Variants in ATG7 observed in about 807,000 individuals in gnomAD.
ATG7 encodes autophagy related 7, also known as ubiquitin-like modifier-activating enzyme ATG7.
In ATG7, 70 loss-of-function variants were observed where a neutral mutation model predicts 82.4. The ratio of observed to expected loss-of-function variants is 0.85; its 90% CI spans 0.70 to 1.04. ATG7 has a LOEUF of 1.04. ATG7 is among the 50% of genes least tolerant of loss of function. The pLI is 0.00. For synonymous variants in ATG7, 287 were observed against 313.0 expected (o/e 0.92, Z 0.88); for missense variants, 792 against 864.3 (o/e 0.92, Z 1.05).
chr3:11,576,169 A>G, the ATG7 span, among the ~76,000 whole-genome samples: 8 of 152,212 alleles, frequency 5.3e-5, no homozygotes, highest in East Asian at 7.7e-4. Context: ...AGTAGTTGTG[A>G]GAGCACAGCC....
At chr3:11,546,869 C>T (rs1370396153) in intron 20 of ATG7, among the ~76,000 whole-genome samples, 2 of 152,266 alleles carry the variant, frequency 1.3e-5, no homozygotes, top group Admixed American at 6.5e-5. Context: ...ACCAGAGGGG[C>T]TGAGCCCACC....
the ATG7 span, among the ~76,000 whole-genome samples, chr3:11,566,194 T>C: frequency 6.6e-6 from 1 of 152,086 alleles, no homozygotes; most frequent in Non-Finnish European, 1.5e-5. Flanking sequence ...GCACACAGAA[T>C]GTTACACACA....
Position 11,395,968 on chromosome 3 carries a change from T to C in ATG7, c.1956+15916T>C, listed in dbSNP as rs199612628. 9.6e-3 allele frequency among the ~76,000 whole-genome samples: 736 copies of C among 76,686 alleles called. 97 individuals are homozygous for C. The highest frequency in any genetic ancestry group is 0.013 in the Non-Finnish European group (553 of 42,926). The allele number at this position is 76,686 out of a possible 152,430, so 50.3% of individuals were successfully genotyped here. On this transcript the variant is annotated intron_variant, in intron 19 of 20. Coordinates refer to ENST00000693202, the MANE Select transcript of ATG7 (RefSeq NM_001349232.2). Reference sequence around the variant, plus strand: ...AAAAAAAAAAAAAAAAAAAAAAAGGTAGGGGGGGAAGAGTAAAAGTGAAGG... The same window carrying C: ...AAAAAAAAAAAAAAAAAAAAAAAGGCAGGGGGGGAAGAGTAAAAGTGAAGG...
At chr3:11,546,189 T>TTTTTTTGTGTGG (rs1491163797) in intron 20 of ATG7, among the ~76,000 whole-genome samples, 1 of 117,546 alleles carries the variant, frequency 8.5e-6, no homozygotes, top group African/African-American at 3.2e-5. Flanking sequence ...TTTTTTTTTT[T>TTTTTTTGTGTGG]GAGATGGAGT....
intron 19 of ATG7, among the ~76,000 whole-genome samples, chr3:11,425,753 C>T (rs2082313413): frequency 6.6e-6 from 1 of 152,090 alleles, no homozygotes. Context: ...CCTTATGTAA[C>T]CAATGCTTAG....
intron 17 of ATG7, 60 bp downstream of exon 17, chr3:11,362,988 A>G (rs2076376735): frequency 1.4e-6 from 2 of 1,420,528 alleles, no homozygotes; most frequent in African/African-American, 2.8e-5. Flanking sequence ...GTTGTTCATC[A>G]GTGTCTCCCA....
chr3:11,299,230 A>ACATAGATAATATATGTAT, intron 4 of ATG7, 132 bp from the exon 5 acceptor site: 1 of 801,846 alleles, frequency 1.2e-6, no homozygotes, highest in Non-Finnish European at 2.1e-6. Context: ...TTATCTATGT[A>ACATAGATAATATATGTAT]GCATAGATAA....
chr3:11,276,464 C>G (rs953349152), intron 1 of ATG7, among the ~76,000 whole-genome samples: 1 of 152,162 alleles, frequency 6.6e-6, no homozygotes, highest in South Asian at 2.1e-4. Flanking sequence ...TCCAATTAAC[C>G]TATGCTGCAC....
chr3:11,477,287 T>G (rs946435317), intron 20 of ATG7: 1 of 1,206,224 alleles, frequency 8.3e-7, no homozygotes, highest in African/African-American at 1.6e-5. Context: ...ACAATGATGA[T>G]AAAATAAAAT....
chr3:11,552,520 C>T (rs2071900972), intron 20 of ATG7, among the ~76,000 whole-genome samples: 1 of 152,120 alleles, frequency 6.6e-6, no homozygotes, highest in Admixed American at 6.6e-5. Flanking sequence ...TGTCCCTATC[C>T]CCAGGAGTCC....
At chr3:11,494,775 C>T (rs1010837869) in intron 20 of ATG7, among the ~76,000 whole-genome samples, 1 of 152,124 alleles carries the variant, frequency 6.6e-6, no homozygotes, top group African/African-American at 2.4e-5. Flanking sequence ...CTCATGCACT[C>T]TGTAAAGGCT....
chr3:11,542,596 C>G (rs1661911022), intron 20 of ATG7, among the ~76,000 whole-genome samples: 1 of 152,186 alleles, frequency 6.6e-6, no homozygotes, highest in South Asian at 2.1e-4. Context: ...ACCAGTATCC[C>G]CACTGCTACA....
intron 11 of ATG7, among the ~76,000 whole-genome samples, chr3:11,339,681 G>C (rs892888432): frequency 6.6e-6 from 1 of 152,210 alleles, no homozygotes; most frequent in East Asian, 1.9e-4. Flanking sequence ...AGATGTTTAA[G>C]AGAATTTTGC....
intron 1 of ATG7, among the ~76,000 whole-genome samples, chr3:11,273,863 G>A (rs1559302100): frequency 1.3e-5 from 2 of 152,100 alleles, no homozygotes; most frequent in South Asian, 4.1e-4. Flanking sequence ...CAGTAATTGG[G>A]GGGAAGCATA....
rs185192580 is a variant in ATG7 at position 11,298,965 on chromosome 3, G to C, written c.160+110G>C. 1.1e-5 allele frequency: 13 copies of C among 1,186,486 alleles called. No individual in the cohort carries two copies. In the Admixed American group the frequency reaches 2.4e-4, roughly 22 times the overall value. 73.5% of individuals were successfully genotyped at this position (1,186,486 alleles called of 1,614,324 possible). On this transcript the variant is annotated intron_variant, in intron 4 of 20. Coordinates refer to ENST00000693202, the MANE Select transcript of ATG7 (RefSeq NM_001349232.2). Reference sequence around the variant, plus strand: ...GACAGCCTTGTCTTTTATAATCAGTGCTCTTCACTAGTTTCTATTTTACTT... The same window carrying C: ...GACAGCCTTGTCTTTTATAATCAGTCCTCTTCACTAGTTTCTATTTTACTT...
chr3:11,535,810 G>A (rs77795008), intron 20 of ATG7, among the ~76,000 whole-genome samples: 8 of 152,168 alleles, frequency 5.3e-5, no homozygotes, highest in East Asian at 1.9e-4. Context: ...CAGAACTCCC[G>A]TGGACCTGCC....
chr3:11,325,398 G>A (rs878954901), intron 9 of ATG7, among the ~76,000 whole-genome samples: 6 of 152,200 alleles, frequency 3.9e-5, no homozygotes, highest in East Asian at 1.9e-4. Flanking sequence ...TAGGCCAGGC[G>A]TGGTGGCTCA....
chr3:11,553,716 G>A (rs1377769509), intron 20 of ATG7, among the ~76,000 whole-genome samples: 2 of 152,156 alleles, frequency 1.3e-5, no homozygotes, highest in Non-Finnish European at 1.5e-5. Flanking sequence ...GTTTGGCCTC[G>A]GGAGACAGGG....
intron 20 of ATG7, among the ~76,000 whole-genome samples, chr3:11,519,032 T>G (rs1452132083): frequency 6.6e-6 from 1 of 152,180 alleles, no homozygotes; most frequent in African/African-American, 2.4e-5. Flanking sequence ...CTATTTTTCA[T>G]TGATCTTCAA....
Sources: allele counts gnomAD v4.1 joint callset (sites outside exome capture counted in the v4.1 genomes callset), GRCh38; gene constraint gnomAD v4.1.1; transcripts MANE v1.5; gene names NCBI Gene and HGNC (gene_info 2026-07-23, HGNC 2026-07-21).